Variants in SUN2 observed in about 807,000 individuals in gnomAD.
The protein encoded by SUN2 is Sad1 and UNC84 domain containing 2.
SUN2 carries 60 observed loss-of-function variants against 100.0 expected under a neutral mutation model. The ratio of observed to expected loss-of-function variants is 0.60; its 90% CI spans 0.49 to 0.74. The LOEUF is 0.74. Among genes scored for constraint, SUN2 ranks in the 30% least tolerant of loss-of-function variants. The pLI is 0.00. For synonymous variants in SUN2, 367 were observed against 403.3 expected, an observed-to-expected ratio of 0.91 and a Z score of 1.08; for missense variants, 834 against 954.6, an observed-to-expected ratio of 0.87 and a Z score of 1.66.
At position 38,740,266 on chromosome 22, in the gene SUN2, C is replaced by T. The variant is rs1334239799; in HGVS notation, c.1356+1G>A. The T allele has an allele frequency of 1.3e-6, 2 of 1,572,222 alleles. No individual in the cohort carries two copies. Among genetic ancestry groups the T allele is most frequent in the Non-Finnish European group, 1.7e-6 (2 of 1,157,964 alleles). On this transcript the variant is annotated splice_donor_variant, in intron 12 of 17. Coordinates refer to ENST00000689035, the MANE Select transcript of SUN2 (RefSeq NM_015374.3). LOFTEE classifies it high-confidence loss of function. This position sits in a 1 kb window ranked among gnomAD's most constrained non-coding sequence, Gnocchi z 4.8. The stretch of plus-strand genomic sequence containing the variant: ...GCAGGGCCCTGGTGGTTCCCACTCA[C>T]GTCGTCCCGCACGGCCTGGATCTGC...
rs975445557 is a variant in SUN2, at chr22:38,737,468, G to A, written c.2040+705C>T. Among the ~76,000 whole-genome samples, 7 of 151,982 alleles carry A rather than the reference G, an allele frequency of 4.6e-5. No individual in the cohort carries two copies. The highest frequency in any genetic ancestry group is 1.2e-4 in the African/African-American group (5 of 41,356). On this transcript the variant is annotated intron_variant, in intron 17 of 17. Coordinates refer to ENST00000689035, the MANE Select transcript of SUN2 (RefSeq NM_015374.3). This position sits in a 1 kb window ranked among gnomAD's most constrained non-coding sequence, Gnocchi z 4.1. Reference sequence around the variant, plus strand: ...TGACGGGTCTCCCAGGCCCAGGCTCGCCCCTTCGAGTCATATAGTGATGTT... The same window carrying A: ...TGACGGGTCTCCCAGGCCCAGGCTCACCCCTTCGAGTCATATAGTGATGTT...
At chr22:38,746,751 G>C (rs941765286) in intron 7 of SUN2, among the ~76,000 whole-genome samples, 1 of 152,198 alleles carries the variant, frequency 6.6e-6, no homozygotes, top group Non-Finnish European at 1.5e-5. Context: ...CACTGACTGG[G>C]CCGGGCGCGG....
At position 38,738,200 on chromosome 22, in the gene SUN2, G is replaced by A. The variant is rs2092823875; in HGVS notation, c.2013C>T (p.Gly671=). The A allele has an allele frequency of 1.2e-6, 2 of 1,613,924 alleles. No homozygotes were observed. The highest frequency in any genetic ancestry group is 1.6e-4 in the Middle Eastern group (1 of 6,062). The stretch of plus-strand genomic sequence containing the variant: ...GAAAGTGAAACGTCTGAATAGGCTC[G>A]CCGTCCTGATCGTAAGTGAACTTGC... The part of the protein sequence containing the change: ...LLGKFTYDQD[G]EPIQTFHFQA... The change falls in exon 17 of 18, where the codon GGC becomes GGT. Residue 671 remains glycine (G), a synonymous_variant. Coordinates refer to ENST00000689035, the MANE Select transcript of SUN2 (RefSeq NM_015374.3). The surrounding 1 kb of genome is among the most constrained non-coding windows in gnomAD (Gnocchi z 6.6).
chr22:38,748,275 T>C (rs1188124880), intron 7 of SUN2, among the ~76,000 whole-genome samples: 1 of 152,134 alleles, frequency 6.6e-6, no homozygotes, highest in African/African-American at 2.4e-5. Context: ...CATCGCGCCA[T>C]TGCACTCCAG....
At chr22:38,753,693 T>C (rs1327832589) in intron 1 of SUN2, among the ~76,000 whole-genome samples, 1 of 152,124 alleles carries the variant, frequency 6.6e-6, no homozygotes, top group Admixed American at 6.5e-5. Flanking sequence ...CCGGGCTCCT[T>C]GTATACCTCA....
In SUN2 at chr22:38,738,433, G is replaced by T; in HGVS notation, c.1947+154C>A. The T allele has an allele frequency of 1.7e-6, 2 of 1,168,064 alleles. No homozygotes were observed. 72.4% of individuals were successfully genotyped at this position (1,168,064 alleles called of 1,614,324 possible). A position where few individuals can be genotyped will look rare whatever the true frequency, so the allele number is the denominator to read the frequency against. On this transcript the variant is annotated intron_variant, in intron 16 of 17. Transcript: ENST00000689035. The surrounding 1 kb of genome is among the most constrained non-coding windows in gnomAD (Gnocchi z 6.6). ...TCTGCCTCCAAAGCCTAAGGTAACA[G>T]GGACTGAAGTGCTGTCTCCCACCCT...
chr22:38,753,021 G>GT (rs1466125984), intron 1 of SUN2, among the ~76,000 whole-genome samples: 4 of 152,178 alleles, frequency 2.6e-5, no homozygotes, highest in Non-Finnish European at 2.9e-5. Context: ...CCTCTGACAA[G>GT]TAGCAGAGAC....
chr22:38,754,393 AC>A (rs373324460), intron 1 of SUN2, among the ~76,000 whole-genome samples: 95 of 152,298 alleles, frequency 6.2e-4, no homozygotes, highest in African/African-American at 2.2e-3. Flanking sequence ...GGCTGCAGAA[AC>A]CCGAAGGTCT....
chr22:38,741,074 A>G (rs1199385286), intron 10 of SUN2, 24 bp from the exon 11 acceptor site: 1 of 1,585,754 alleles, frequency 6.3e-7, no homozygotes, highest in African/African-American at 1.3e-5. Context: ...AGGGACAAAT[A>G]CAAGAAATAC....
chr22:38,745,932 C>T, intron 7 of SUN2, 121 bp from the exon 8 acceptor site: 3 of 1,424,014 alleles, frequency 2.1e-6, no homozygotes, highest in Non-Finnish European at 2.8e-6. Flanking sequence ...GAGCTGTGCC[C>T]TTCCAGAGGC....
At position 38,739,603 on chromosome 22, in the gene SUN2, C is replaced by T; in HGVS notation, c.1578+119G>A. ...CATGCCAGCCCCACAGCATGCAAAG[C>T]CTCCTGCTTGGCACTTCCATCCTGG... is the stretch of plus-strand genomic sequence containing the variant. On this transcript the variant is annotated intron_variant, in intron 13 of 17. Transcript: ENST00000689035. This position sits in a 1 kb window ranked among gnomAD's most constrained non-coding sequence, Gnocchi z 6.7. The T allele has an allele frequency of 1.0e-5, 14 of 1,354,842 alleles. No individual in the cohort carries two copies. The highest frequency in any genetic ancestry group is 1.4e-5 in the Non-Finnish European group (14 of 974,306). The allele number at this position is 1,354,842 out of a possible 1,614,324, so 83.9% of individuals were successfully genotyped here. A position where few individuals can be genotyped will look rare whatever the true frequency, so the allele number is the denominator to read the frequency against.
chr22:38,742,864 A>G, intron 8 of SUN2: 2 of 290,622 alleles, frequency 6.9e-6, no homozygotes, highest in Non-Finnish European at 6.5e-6. Context: ...GGGATGGTCC[A>G]GGAGGAGGAC....
Position 38,745,869 on chromosome 22 carries a change from A to G in SUN2, c.686-58T>C. 4.4e-6 allele frequency: 7 copies of G among 1,587,044 alleles called. No individual in the cohort carries two copies. In the South Asian group the frequency reaches 6.8e-5, roughly 15 times the overall value. On this transcript the variant is annotated intron_variant, in intron 7 of 17. Coordinates refer to ENST00000689035, the MANE Select transcript of SUN2 (RefSeq NM_015374.3). Reference sequence around the variant, plus strand: ...GGGCCTCCAGCAAGAGGCGCGCGCCAGGGAGGATGGCTACCTGATCCCTGC... The same window carrying G: ...GGGCCTCCAGCAAGAGGCGCGCGCCGGGGAGGATGGCTACCTGATCCCTGC...
At position 38,739,976 on chromosome 22, in the gene SUN2, G is replaced by T. The variant is rs2092840552; in HGVS notation, c.1357-33C>A. Reference sequence around the variant, plus strand: ...AACCCAAAGGGGTGTCACCCTGGGGGGCTTGCAGGGACAGCAGGAGCTGCT... The same window carrying T: ...AACCCAAAGGGGTGTCACCCTGGGGTGCTTGCAGGGACAGCAGGAGCTGCT... On this transcript the variant is annotated intron_variant, in intron 12 of 17. Transcript: ENST00000689035. This position sits in a 1 kb window ranked among gnomAD's most constrained non-coding sequence, Gnocchi z 6.7. 2 of 1,596,338 alleles carry T rather than the reference G, an allele frequency of 1.3e-6. No homozygotes were observed. The highest frequency in any genetic ancestry group is 1.3e-5 in the African/African-American group (1 of 74,740).
In SUN2 at chr22:38,739,920, C is replaced by G; in HGVS notation, c.1380G>C (p.Trp460Cys). 2 of 1,612,184 alleles carry G rather than the reference C, an allele frequency of 1.2e-6. No individual in the cohort carries two copies. The highest frequency in any genetic ancestry group is 1.7e-6 in the Non-Finnish European group (2 of 1,179,988). ...CACCTCGGGCAAGGAACTGACTGAT[C>G]CAGGCCGGGAACTGAGATTCCACCT... ...RDDVESQFPA[W>C]ISQFLARGGG... is the part of the protein sequence containing the mutation. The change falls in exon 13 of 18, where the codon TGG becomes TGC. Residue 460 changes from tryptophan (W) to cysteine (C), a missense_variant. Coordinates refer to ENST00000689035, the MANE Select transcript of SUN2 (RefSeq NM_015374.3). The surrounding 1 kb of genome is among the most constrained non-coding windows in gnomAD (Gnocchi z 6.7).
intron 1 of SUN2, 123 bp from the exon 2 acceptor site, chr22:38,752,788 C>T: frequency 8.8e-7 from 1 of 1,139,746 alleles, no homozygotes; most frequent in South Asian, 1.6e-5. Context: ...CGGCCCCCGG[C>T]CCCCGGCGTT....
At position 38,736,364 on chromosome 22, in the gene SUN2, G is replaced by C. The variant is rs150292176; in HGVS notation, c.2057C>G (p.Thr686Arg). ...TFHFQAPTMATYQVVELRILT... is the reference protein window; with the variant it reads ...TFHFQAPTMARYQVVELRILT... ...GATCCGCAGCTCCACCACCTGGTAC[G>C]TGGCCATCGTAGGGGCCTGGGTAGA... Residue 686 changes from threonine to arginine, a missense_variant, in exon 18 of 18, where the codon ACG (threonine) becomes AGG (arginine). Physicochemically the swap from Thr to Arg is moderately conservative, Grantham distance 71 (BLOSUM62 -1). Around this residue, in one of 3 missense-constraint regions of SUN2, gnomAD observed 80 missense variants for 76.7 expected, o/e 1.04. Transcript: ENST00000689035. 8 of 1,613,542 alleles carry C rather than the reference G, an allele frequency of 5.0e-6. No individual in the cohort carries two copies. The African/African-American group carries it at 1.1e-4, about 22-fold the overall frequency.
chr22:38,741,131 C>G (rs778372584), intron 10 of SUN2, 81 bp from the exon 11 acceptor site: 12 of 1,484,614 alleles, frequency 8.1e-6, no homozygotes, highest in Admixed American at 3.9e-5. Flanking sequence ...TGTCTGTTAG[C>G]GTCTTTGCTT....
intron 4 of SUN2, 150 bp downstream of exon 4, chr22:38,750,748 A>C: frequency 2.3e-6 from 3 of 1,297,888 alleles, no homozygotes; most frequent in Non-Finnish European, 3.1e-6. Flanking sequence ...ACCGCAGGCC[A>C]GGCTGGGGCG....
Sources: gnomAD v4.1 joint callset for allele counts (sites outside exome capture counted in the v4.1 genomes callset) on GRCh38, gnomAD v4.1.1 for gene constraint, gnomAD v4.1.1 regional missense constraint, Gnocchi (gnomAD v3.1) non-coding constraint, MANE v1.5 for transcripts, NCBI Gene and HGNC (gene_info 2026-07-23, HGNC 2026-07-21) for gene names.